HRH3: variants seen among roughly 807,000 people sequenced by gnomAD.
HRH3 encodes the protein histamine H3 receptor.
Under a neutral mutation model 21.6 loss-of-function variants are expected in HRH3, and 13 were observed. The observed-to-expected ratio is 0.60, with a 90% CI of 0.39 to 0.96. HRH3 has a LOEUF of 0.96. Ranked by LOEUF, HRH3 falls within the 40% of genes least tolerant of loss-of-function variation. The probability of loss-of-function intolerance (pLI) is 0.00; values close to 1 mark genes in which losing one functional copy is unlikely to be tolerated. For missense variants in HRH3, 461 were observed against 622.7 expected, an observed-to-expected ratio of 0.74 and a Z score of 2.76; for synonymous variants, 276 against 290.3, an observed-to-expected ratio of 0.95 and a Z score of 0.50.
At position 62,216,940 on chromosome 20, in the gene HRH3, G is replaced by A. The variant is rs1978592141; in HGVS notation, c.418-14C>T. ...CCGGTATGAGACCTGCAGAAGGGCA[G>A]GCTGGTCAGGGGCGGGGCGGAAGGA... On this transcript the variant is annotated splice_polypyrimidine_tract_variant and intron_variant, in intron 2 of 2. Transcript: ENST00000340177. 1 of 1,585,286 alleles carries A rather than the reference G, an allele frequency of 6.3e-7. No individual in the cohort carries two copies. The highest frequency in any genetic ancestry group is 8.6e-7 in the Non-Finnish European group (1 of 1,164,432).
chr20:62,219,931 C>T lies in HRH3; in HGVS notation c.40G>A (p.Gly14Arg). ...GCCGCCGCCTCGCCCGCCAGCGCCC[C>T]CGAAGCGTTCAGCGGCCCGTCGGGC... The part of the protein sequence containing the change: ...APPDGPLNAS[G>R]ALAGEAAAAG... Residue 14 changes from glycine to arginine, a missense_variant, in exon 1 of 3, where the codon GGG becomes AGG. Transcript: ENST00000340177. The surrounding 1 kb of genome is among the most constrained non-coding windows in gnomAD (Gnocchi z 8.7). The T allele has an allele frequency of 2.4e-6, 3 of 1,226,576 alleles. No individual in the cohort carries two copies. The highest frequency in any genetic ancestry group is 3.0e-6 in the Non-Finnish European group (3 of 988,366). 76.0% of individuals were successfully genotyped at this position (1,226,576 alleles called of 1,614,324 possible). A position where few individuals can be genotyped will look rare whatever the true frequency, so the allele number is the denominator to read the frequency against.
rs1284222515 is a variant in HRH3 at position 62,219,947 on chromosome 20, C to T, written c.24G>A (p.Gly8=). The change falls in exon 1 of 3, where the codon GGG becomes GGA. Residue 8 remains glycine, a synonymous_variant. Coordinates refer to ENST00000340177, the MANE Select transcript of HRH3 (RefSeq NM_007232.3). The surrounding 1 kb of genome is among the most constrained non-coding windows in gnomAD (Gnocchi z 8.7). ...CCAGCGCCCCCGAAGCGTTCAGCGG[C>T]CCGTCGGGCGGCGCGCGCTCCATGG... MERAPPD[G]PLNASGALAG... 5 of 1,109,918 alleles carry T rather than the reference C, an allele frequency of 4.5e-6. No homozygotes were observed. Among genetic ancestry groups the T allele is most frequent in the Non-Finnish European group, 5.5e-6 (5 of 914,904 alleles). The allele number at this position is 1,109,918 out of a possible 1,614,324, so 68.8% of individuals were successfully genotyped here.
At position 62,216,571 on chromosome 20, in the gene HRH3, C is replaced by A. The variant is rs200754549; in HGVS notation, c.773G>T (p.Cys258Phe). 2 of 1,605,946 alleles carry A rather than the reference C, an allele frequency of 1.2e-6. No individual in the cohort carries two copies. The highest frequency in any genetic ancestry group is 1.7e-6 in the Non-Finnish European group (2 of 1,176,496). The change falls in exon 3 of 3, where the codon TGC becomes TTC. Residue 258 changes from cysteine to phenylalanine, a missense_variant. Cys to Phe is a radical substitution (Grantham distance 205). Coordinates refer to ENST00000340177, the MANE Select transcript of HRH3 (RefSeq NM_007232.3). Reference protein sequence around the residue: ...AQPSPPPPPGCWGCWQKGHGE... With the variant: ...AQPSPPPPPGFWGCWQKGHGE... ...GTGCCCCTTCTGCCAGCAGCCCCAG[C>A]AGCCAGGCGGTGGGGGTGGTGAGGG...
rs1003837620 is a variant in HRH3 at position 62,219,399 on chromosome 20, C to G, written c.250+322G>C. ...CTAAACCGCCCCACTGCGCCCTCCG[C>G]GCGTCCTAAGTCCGCAGCAGCCTTT... is the stretch of plus-strand genomic sequence containing the variant. On this transcript the variant is annotated intron_variant, in intron 1 of 2. Transcript: ENST00000340177. This position sits in a 1 kb window ranked among gnomAD's most constrained non-coding sequence, Gnocchi z 8.7. Among the ~76,000 whole-genome samples the G allele has an allele frequency of 6.6e-6, 1 of 152,104 alleles. No homozygotes were observed. Among genetic ancestry groups the G allele is most frequent in the Non-Finnish European group, 1.5e-5 (1 of 68,008 alleles).
Position 62,219,212 on chromosome 20 carries a change from C to A in HRH3, c.250+509G>T, listed in dbSNP as rs1005605550. ...ACAGCCCCAACAGGTGTCTGGCGCT[C>A]CAGCCCCCTCCGCGTGCCCCGCCCC... is the stretch of plus-strand genomic sequence containing the variant. On this transcript the variant is annotated intron_variant, in intron 1 of 2. Transcript: ENST00000340177. The surrounding 1 kb of genome is among the most constrained non-coding windows in gnomAD (Gnocchi z 8.7). Among the ~76,000 whole-genome samples the A allele has an allele frequency of 6.6e-6, 1 of 152,104 alleles. No individual in the cohort carries two copies. The highest frequency in any genetic ancestry group is 6.5e-5 in the Admixed American group (1 of 15,286).
In HRH3 at chr20:62,215,901, G is replaced by C; in HGVS notation, c.*105C>G. 8.9e-7 allele frequency: 1 copy of C among 1,123,178 alleles called. No individual in the cohort carries two copies. Among genetic ancestry groups the C allele is most frequent in the Non-Finnish European group, 1.2e-6 (1 of 811,176 alleles). The allele number at this position is 1,123,178 out of a possible 1,614,324, so 69.6% of individuals were successfully genotyped here. On this transcript the variant is annotated 3_prime_UTR_variant, in exon 3 of 3. Coordinates refer to ENST00000340177, the MANE Select transcript of HRH3 (RefSeq NM_007232.3). ...ATTAAGAGAGGGCCACAGACACGGC[G>C]GGGCTCACCCCTGGGGGAACGAGCC...
chr20:62,219,662 G>A lies in HRH3; in HGVS notation c.250+59C>T. 1 of 1,541,466 alleles carries A rather than the reference G, an allele frequency of 6.5e-7. No individual in the cohort carries two copies. Among genetic ancestry groups the A allele is most frequent in the Non-Finnish European group, 8.7e-7 (1 of 1,144,502 alleles). On this transcript the variant is annotated intron_variant, in intron 1 of 2. Transcript: ENST00000340177. The surrounding 1 kb of genome is among the most constrained non-coding windows in gnomAD (Gnocchi z 8.7). Reference sequence around the variant, plus strand: ...CACCCAGGTCCGTGTTCCAGTCCCCGCTGGCCCGGCCACGCTGGGCGCCCC... The same window carrying A: ...CACCCAGGTCCGTGTTCCAGTCCCCACTGGCCCGGCCACGCTGGGCGCCCC...
Position 62,216,494 on chromosome 20 carries a change from C to G in HRH3, c.850G>C (p.Ala284Pro). ...RYGVGEAAVGAEAGEATLGGG... is the reference protein window; with the variant it reads ...RYGVGEAAVGPEAGEATLGGG... ...CCGAGGGTCGCCTCCCCGGCCTCAG[C>G]GCCTACGGCCGCCTCACCCACCCCA... The change falls in exon 3 of 3, where the codon GCT becomes CCT. Residue 284 changes from alanine to proline, a missense_variant. Physicochemically the swap from Ala to Pro is conservative, Grantham distance 27. Transcript: ENST00000340177. The G allele has an allele frequency of 6.4e-7, 1 of 1,572,274 alleles. No homozygotes were observed. Among genetic ancestry groups the G allele is most frequent in the South Asian group, 1.2e-5 (1 of 86,600 alleles).
Position 62,216,206 on chromosome 20 carries a change from T to G in HRH3, c.1138A>C (p.Ile380Leu). The G allele has an allele frequency of 6.2e-7, 1 of 1,613,104 alleles. No homozygotes were observed. The highest frequency in any genetic ancestry group is 8.5e-7 in the Non-Finnish European group (1 of 1,179,994). The part of the protein sequence containing the change: ...CWAPYTLLMI[I>L]RAACHGHCVP... Reference sequence around the variant, plus strand: ...CAGTGGCCATGGCAGGCGGCCCGGATGATCATCAGCAGCGTGTATGGGGCC... The same window carrying G: ...CAGTGGCCATGGCAGGCGGCCCGGAGGATCATCAGCAGCGTGTATGGGGCC... The change falls in exon 3 of 3, where the codon ATC (isoleucine) becomes CTC (leucine). Residue 380 changes from isoleucine (I) to leucine (L), a missense_variant. By Grantham distance (5) the Ile-to-Leu change is conservative. Coordinates refer to ENST00000340177, the MANE Select transcript of HRH3 (RefSeq NM_007232.3).
intron 2 of HRH3, 40 bp from the exon 3 acceptor site, chr20:62,216,966 A>T (rs1374998570): frequency 1.3e-6 from 2 of 1,536,678 alleles, no homozygotes; most frequent in Non-Finnish European, 1.8e-6. Flanking sequence ...GGCGGAAGGA[A>T]TATTGGGCTG....
rs577219078 is a variant in HRH3, at chr20:62,218,731, G to T, written c.251-74C>A. On this transcript the variant is annotated intron_variant, in intron 1 of 2. Transcript: ENST00000340177. The surrounding 1 kb of genome is among the most constrained non-coding windows in gnomAD (Gnocchi z 5.6). ...ACAGACGGACCTAAGCGCAGACACC[G>T]GCGGGACCTGGGGTCACATGGTGGC... 9.0e-6 allele frequency: 13 copies of T among 1,442,768 alleles called. No homozygotes were observed. In the South Asian group the frequency reaches 1.3e-4, roughly 15 times the overall value. 89.4% of individuals were successfully genotyped at this position (1,442,768 alleles called of 1,614,324 possible).
Position 62,216,347 on chromosome 20 carries a change from G to A in HRH3, c.997C>T (p.Leu333=). ...GSKPSASSAS[L]EKRMKMVSQS... is the part of the protein sequence containing the mutation. The stretch of plus-strand genomic sequence containing the variant: ...GACACCATCTTCATGCGCTTCTCCA[G>A]CGAGGCCGAGGACGCCGACGGCTTG... The change falls in exon 3 of 3, where the codon CTG becomes TTG. Residue 333 remains leucine, a synonymous_variant. Transcript: ENST00000340177. 1.3e-6 allele frequency: 2 copies of A among 1,597,036 alleles called. No individual in the cohort carries two copies.
In HRH3 at chr20:62,217,670, G is replaced by A. The variant is rs914657579; in HGVS notation, c.418-744C>T. Among the ~76,000 whole-genome samples, 7 of 152,186 alleles carry A rather than the reference G, an allele frequency of 4.6e-5. No individual in the cohort carries two copies. In the East Asian group the frequency reaches 5.8e-4, roughly 13 times the overall value. The stretch of plus-strand genomic sequence containing the variant: ...CACCCTCCCCCACCAGCCTGATGGC[G>A]TTTACCTTGGTGACGGTGGGAGCAA... On this transcript the variant is annotated intron_variant, in intron 2 of 2. Coordinates refer to ENST00000340177, the MANE Select transcript of HRH3 (RefSeq NM_007232.3).
chr20:62,216,983 C>CG (rs1281683561), intron 2 of HRH3, 57 bp from the exon 3 acceptor site: 19 of 1,470,448 alleles, frequency 1.3e-5, no homozygotes, highest in Middle Eastern at 2.4e-4. Flanking sequence ...GCTGGGTGCG[C>CG]CCCCGTAGCC....
intron 2 of HRH3, among the ~76,000 whole-genome samples, chr20:62,217,558 G>A (rs1384396408): frequency 6.6e-6 from 1 of 152,246 alleles, no homozygotes; most frequent in Non-Finnish European, 1.5e-5. Flanking sequence ...CAACCAGCTG[G>A]TGGGGGCAGG....
chr20:62,219,666 GC>G lies in HRH3; in HGVS notation c.250+54del. The G allele has an allele frequency of 6.5e-7, 1 of 1,545,218 alleles. No homozygotes were observed. Among genetic ancestry groups the G allele is most frequent in the Non-Finnish European group, 8.7e-7 (1 of 1,146,556 alleles). On this transcript the variant is annotated intron_variant, in intron 1 of 2. Coordinates refer to ENST00000340177, the MANE Select transcript of HRH3 (RefSeq NM_007232.3). This position sits in a 1 kb window ranked among gnomAD's most constrained non-coding sequence, Gnocchi z 8.7. ...CAGGTCCGTGTTCCAGTCCCCGCTG[GC>G]CCGGCCACGCTGGGCGCCCCTGGGT... is the stretch of plus-strand genomic sequence containing the variant.
Position 62,219,716 on chromosome 20 carries a change from T to G in HRH3, c.250+5A>C. 6.3e-7 allele frequency: 1 copy of G among 1,591,972 alleles called. No homozygotes were observed. Among genetic ancestry groups the G allele is most frequent in the Non-Finnish European group, 8.6e-7 (1 of 1,168,606 alleles). On this transcript the variant is annotated splice_donor_5th_base_variant and intron_variant, in intron 1 of 2. Transcript: ENST00000340177. The surrounding 1 kb of genome is among the most constrained non-coding windows in gnomAD (Gnocchi z 8.7). The stretch of plus-strand genomic sequence containing the variant: ...GTCCCCAGCGGCCAGGGGCTGGGGA[T>G]TTACCGACGAGGAAGTCGGAGATGG...
At chr20:62,217,032 C>T in intron 2 of HRH3, 106 bp from the exon 3 acceptor site, 1 of 1,099,842 alleles carries the variant, frequency 9.1e-7, no homozygotes, top group South Asian at 1.6e-5. Context: ...AGCAGCAATG[C>T]TCCTCCTTTC....
chr20:62,219,702 C>A lies in HRH3; in HGVS notation c.250+19G>T. 1.3e-6 allele frequency: 2 copies of A among 1,586,878 alleles called. No homozygotes were observed. Among genetic ancestry groups the A allele is most frequent in the Non-Finnish European group, 1.7e-6 (2 of 1,166,084 alleles). ...CTGGGCGCCCCTGGGTCCCCAGCGG[C>A]CAGGGGCTGGGGATTTACCGACGAG... On this transcript the variant is annotated intron_variant, in intron 1 of 2. Coordinates refer to ENST00000340177, the MANE Select transcript of HRH3 (RefSeq NM_007232.3). This position sits in a 1 kb window ranked among gnomAD's most constrained non-coding sequence, Gnocchi z 8.7.
Sources: gnomAD v4.1 joint callset for allele counts (sites outside exome capture counted in the v4.1 genomes callset) on GRCh38, gnomAD v4.1.1 for gene constraint, Gnocchi (gnomAD v3.1) non-coding constraint, MANE v1.5 for transcripts, NCBI Gene and HGNC (gene_info 2026-07-23, HGNC 2026-07-21) for gene names.